AUTS2: variants seen among roughly 807,000 people sequenced by gnomAD.
AUTS2 encodes autism susceptibility gene 2 protein.
Under a neutral mutation model 112.4 loss-of-function variants are expected in AUTS2, and 17 were observed. The observed-to-expected ratio is 0.15, with a 90% CI of 0.10 to 0.23. The LOEUF is 0.23. AUTS2 is among the 10% of genes least tolerant of loss of function. The pLI is 1.00. For missense variants in AUTS2, 1,510 were observed against 1,701.6 expected (o/e 0.89, Z 1.98); for synonymous variants, 751 against 702.7 (o/e 1.07, Z -1.09).
In AUTS2 at chr7:70,407,279, A is replaced by G. The variant is rs79816865; in HGVS notation, c.661-28473A>G. On this transcript the variant is annotated intron_variant, in intron 4 of 18. Coordinates refer to ENST00000342771, the MANE Select transcript of AUTS2 (RefSeq NM_015570.4). ...TCCCCTCAAACCAAATGCATTGTGCAAGAACTTGTGTTAATTATCCCTGTT... is the reference window on the plus strand; with the variant it reads ...TCCCCTCAAACCAAATGCATTGTGCGAGAACTTGTGTTAATTATCCCTGTT... 3.6e-3 allele frequency among the ~76,000 whole-genome samples: 554 copies of G among 152,280 alleles called. 4 individuals carry two copies. Among genetic ancestry groups the G allele is most frequent in the African/African-American group, 0.013 (533 of 41,556 alleles).
intron 18 of AUTS2, 24 bp downstream of exon 18, chr7:70,787,455 G>A: frequency 1.6e-5 from 25 of 1,535,352 alleles, no homozygotes; most frequent in Non-Finnish European, 2.2e-5. Flanking sequence ...CCGCTCTCGA[G>A]TCCCCACGGG....
At chr7:70,415,355 A>G (rs953701801) in intron 4 of AUTS2, among the ~76,000 whole-genome samples, 2 of 152,190 alleles carry the variant, frequency 1.3e-5, no homozygotes, top group Non-Finnish European at 2.9e-5. Flanking sequence ...CTGCTTGCCT[A>G]ACAGCACAGT....
chr7:70,242,443 A>G (rs1429111673), intron 4 of AUTS2, among the ~76,000 whole-genome samples: 1 of 151,924 alleles, frequency 6.6e-6, no homozygotes, highest in African/African-American at 2.4e-5. Flanking sequence ...CCTGCCTTTT[A>G]TATTGGTCTG....
chr7:70,722,455 T>A (rs1397884189), intron 6 of AUTS2, among the ~76,000 whole-genome samples: 2 of 152,228 alleles, frequency 1.3e-5, no homozygotes, highest in South Asian at 2.1e-4. Context: ...TATAGCCAAA[T>A]GAGCTTTTAG....
At chr7:69,792,018 C>T (rs539902589) in intron 1 of AUTS2, among the ~76,000 whole-genome samples, 1 of 151,900 alleles carries the variant, frequency 6.6e-6, no homozygotes, top group Non-Finnish European at 1.5e-5. Context: ...GGCATTCCTG[C>T]AGGATGGTGG....
At position 70,361,130 on chromosome 7, in the gene AUTS2, G is replaced by A. The variant is rs185847123; in HGVS notation, c.661-74622G>A. Among the ~76,000 whole-genome samples the A allele has an allele frequency of 2.4e-3, 370 of 152,238 alleles. 2 individuals carry two copies. The highest frequency in any genetic ancestry group is 3.8e-3 in the Non-Finnish European group (259 of 68,010). ...GGAGGCCGAGGTGGGCGGATCATGA[G>A]GTCAGGAGATCAAAACCACAGTGAA... is the stretch of plus-strand genomic sequence containing the variant. On this transcript the variant is annotated intron_variant, in intron 4 of 18. Coordinates refer to ENST00000342771, the MANE Select transcript of AUTS2 (RefSeq NM_015570.4).
intron 5 of AUTS2, among the ~76,000 whole-genome samples, chr7:70,490,083 G>A (rs964901342): frequency 6.6e-6 from 1 of 151,704 alleles, no homozygotes; most frequent in African/African-American, 2.4e-5. Flanking sequence ...ATAGAGGAAA[G>A]GTCTAAAATA....
intron 4 of AUTS2, among the ~76,000 whole-genome samples, chr7:70,220,496 GGACAGA>G (rs2129591861): frequency 6.6e-6 from 1 of 152,242 alleles, no homozygotes; most frequent in Admixed American, 6.5e-5. Context: ...ACCATAGATG[GGACAGA>G]GACACATAAT....
chr7:70,079,020 A>T (rs1803174186), intron 2 of AUTS2, among the ~76,000 whole-genome samples: 2 of 152,170 alleles, frequency 1.3e-5, no homozygotes, highest in Admixed American at 1.3e-4. Flanking sequence ...ACATGGAATA[A>T]TGGTGCCAGG....
intron 2 of AUTS2, among the ~76,000 whole-genome samples, chr7:69,955,429 A>G (rs969651997): frequency 2.6e-5 from 4 of 152,138 alleles, no homozygotes; most frequent in Admixed American, 6.6e-5. Flanking sequence ...CTGAACCTCT[A>G]TTCATCTCAG....
At chr7:70,235,842 G>A (rs1411159427) in intron 4 of AUTS2, among the ~76,000 whole-genome samples, 2 of 151,830 alleles carry the variant, frequency 1.3e-5, no homozygotes, top group African/African-American at 2.4e-5. Context: ...TAGTAGAGAC[G>A]GGGGACGTGA....
At chr7:70,639,181 A>G (rs1390470271) in intron 5 of AUTS2, among the ~76,000 whole-genome samples, 1 of 152,102 alleles carries the variant, frequency 6.6e-6, no homozygotes, top group Non-Finnish European at 1.5e-5. Flanking sequence ...CCACCACCAC[A>G]CCAAAAGTCT....
At chr7:70,496,019 ACC>A (rs560797976) in intron 5 of AUTS2, among the ~76,000 whole-genome samples, 3 of 64,854 alleles carry the variant, frequency 4.6e-5, no homozygotes, top group African/African-American at 7.1e-5. Context: ...ACACACACAC[ACC>A]CCCCCCACAC....
intron 4 of AUTS2, among the ~76,000 whole-genome samples, chr7:70,225,002 A>G (rs1010388996): frequency 1.3e-5 from 2 of 152,180 alleles, no homozygotes; most frequent in Non-Finnish European, 1.5e-5. Context: ...CTAATGACAC[A>G]TTTCTCAGAA....
intron 2 of AUTS2, among the ~76,000 whole-genome samples, chr7:69,937,175 G>A (rs1796446751): frequency 1.3e-5 from 2 of 152,170 alleles, no homozygotes; most frequent in Admixed American, 1.3e-4. Flanking sequence ...TCCTAACCCT[G>A]GAGAGTCATC....
In AUTS2 at chr7:69,828,976, A is replaced by G. The variant is rs537779517; in HGVS notation, c.310-70310A>G. On this transcript the variant is annotated intron_variant, in intron 1 of 18. Coordinates refer to ENST00000342771, the MANE Select transcript of AUTS2 (RefSeq NM_015570.4). ...AATCCAGTATAGGAGGCATCATGCT[A>G]CCTGACTTCAAACTATACTACAAGG... 9.6e-4 allele frequency among the ~76,000 whole-genome samples: 146 copies of G among 152,336 alleles called. 1 individual carries two copies. The Middle Eastern group carries it at 0.014, about 14-fold the overall frequency.
At chr7:69,973,577 A>G (rs1584512149) in intron 2 of AUTS2, among the ~76,000 whole-genome samples, 1 of 152,076 alleles carries the variant, frequency 6.6e-6, no homozygotes, top group Non-Finnish European at 1.5e-5. Flanking sequence ...ATTTTTCTCT[A>G]TGTTCTTTAT....
intron 1 of AUTS2, among the ~76,000 whole-genome samples, chr7:69,876,849 CT>C (rs1305969202): frequency 6.6e-6 from 1 of 151,978 alleles, no homozygotes; most frequent in African/African-American, 2.4e-5. Flanking sequence ...ATTATCACAT[CT>C]TCCCTTGCTT....
At chr7:70,439,364 C>T (rs976821180) in intron 5 of AUTS2, among the ~76,000 whole-genome samples, 11 of 151,864 alleles carry the variant, frequency 7.2e-5, no homozygotes, top group African/African-American at 2.7e-4. Context: ...ATAGTGAAAC[C>T]CCGTCTCTAC....
Sources: allele counts gnomAD v4.1 joint callset (sites outside exome capture counted in the v4.1 genomes callset), GRCh38; gene constraint gnomAD v4.1.1; transcripts MANE v1.5; gene names NCBI Gene and HGNC (gene_info 2026-07-23, HGNC 2026-07-21).